Variants in ECPAS observed in about 807,000 individuals in gnomAD.
The protein encoded by ECPAS is Ecm29 proteasome adaptor and scaffold.
ECPAS carries 70 observed loss-of-function variants against 255.1 expected under a neutral mutation model. The observed-to-expected ratio is 0.27, with a 90% CI of 0.23 to 0.33. ECPAS has a LOEUF of 0.33. Ranked by LOEUF, ECPAS falls within the 10% of genes least tolerant of loss-of-function variation. The pLI is 1.00. For synonymous variants in ECPAS, 784 were observed against 775.0 expected, an observed-to-expected ratio of 1.01 and a Z score of -0.19; for missense variants, 1,817 against 2,206.4, an observed-to-expected ratio of 0.82 and a Z score of 3.54.
chr9:111,376,233 C>T (rs907548108), intron 37 of ECPAS, among the ~76,000 whole-genome samples: 1 of 152,222 alleles, frequency 6.6e-6, no homozygotes, highest in Admixed American at 6.5e-5. Flanking sequence ...ATAGAGAGCT[C>T]TTGATATGTT....
chr9:111,374,206 AT>A (rs895943565), intron 38 of ECPAS, among the ~76,000 whole-genome samples, 168 bp from the exon 39 acceptor site: 2 of 152,132 alleles, frequency 1.3e-5, no homozygotes, highest in Admixed American at 1.3e-4. Context: ...TAATGCAGCG[AT>A]TTTTTTTAAA....
chr9:111,429,275 A>G (rs975513872), intron 9 of ECPAS, among the ~76,000 whole-genome samples: 1 of 151,638 alleles, frequency 6.6e-6, no homozygotes, highest in African/African-American at 2.4e-5. Context: ...TTTTTTTTAA[A>G]TGAGTACATA....
intron 2 of ECPAS, among the ~76,000 whole-genome samples, chr9:111,468,932 T>C (rs886825096): frequency 2.6e-5 from 4 of 152,310 alleles, no homozygotes; most frequent in Admixed American, 2.0e-4. Flanking sequence ...TAGTATTTTC[T>C]GGTAGATCAA....
chr9:111,383,236 T>C lies in ECPAS; in HGVS notation c.3778A>G (p.Thr1260Ala). 2 of 1,613,632 alleles carry C rather than the reference T, an allele frequency of 1.2e-6. No individual in the cohort carries two copies. Among genetic ancestry groups the C allele is most frequent in the Non-Finnish European group, 1.7e-6 (2 of 1,179,642 alleles). ...PCLLDKGMMS[T>A]VTEVRALSIN... ...CTGAGGGCTCGAACTTCCGTCACGG[T>C]GCTCATCATTCCTTTGTCCAGAAGG... The change falls in exon 35 of 50, where the codon ACC becomes GCC. Residue 1260 changes from threonine to alanine, a missense_variant. Thr to Ala is a moderately conservative substitution (Grantham distance 58). Coordinates refer to ENST00000684092, the MANE Select transcript of ECPAS (RefSeq NM_001364929.1).
At chr9:111,430,486 C>T (rs545445763) in intron 9 of ECPAS, 61 bp downstream of exon 9, 7 of 951,498 alleles carry the variant, frequency 7.4e-6, no homozygotes, top group Non-Finnish European at 1.2e-5. Context: ...TGTATAAATA[C>T]GCAGTTCATG....
At chr9:111,378,807 T>G in intron 35 of ECPAS, 77 bp from the exon 36 acceptor site, 1 of 1,392,518 alleles carries the variant, frequency 7.2e-7, no homozygotes, top group African/African-American at 1.4e-5. Flanking sequence ...CATGAGGATG[T>G]TCTGCAGTTC....
At chr9:111,436,419 T>TA (rs1209935609) in intron 7 of ECPAS, among the ~76,000 whole-genome samples, 1 of 152,176 alleles carries the variant, frequency 6.6e-6, no homozygotes, top group Non-Finnish European at 1.5e-5. Context: ...AAATCCAGAA[T>TA]AAAATCCTTA....
chr9:111,427,666 A>G (rs1448542610), intron 10 of ECPAS, among the ~76,000 whole-genome samples: 1 of 152,210 alleles, frequency 6.6e-6, no homozygotes, highest in East Asian at 1.9e-4. Flanking sequence ...CCTTATGCAC[A>G]TAGCCTGAAG....
intron 1 of ECPAS, among the ~76,000 whole-genome samples, chr9:111,481,937 G>A (rs2098306070): frequency 6.6e-6 from 1 of 152,192 alleles, no homozygotes; most frequent in South Asian, 2.1e-4. Context: ...GCCAGGGGCC[G>A]AAGGGAGGAG....
chr9:111,377,648 G>A (rs1295726349), intron 36 of ECPAS, among the ~76,000 whole-genome samples: 1 of 152,172 alleles, frequency 6.6e-6, no homozygotes, highest in Admixed American at 6.5e-5. Flanking sequence ...TTCACGGTCT[G>A]ATACTATTTT....
Position 111,421,890 on chromosome 9 carries a change from T to C in ECPAS, c.1455+31A>G, listed in dbSNP as rs186303161. 4.2e-3 allele frequency: 6,770 copies of C among 1,604,008 alleles called. 29 individuals are homozygous for C. Among genetic ancestry groups the C allele is most frequent in the Middle Eastern group, 0.013 (70 of 5,456 alleles). On this transcript the variant is annotated intron_variant, in intron 15 of 49. Transcript: ENST00000684092. ...GTTCTTAAAAATGTAAACCGTATACTACCCAGGCTTTGTAGTTCACACGGA... is the reference window on the plus strand; with the variant it reads ...GTTCTTAAAAATGTAAACCGTATACCACCCAGGCTTTGTAGTTCACACGGA...
chr9:111,484,205 C>T lies in ECPAS; in HGVS notation c.-172G>A. The T allele has an allele frequency of 2.0e-6, 3 of 1,474,550 alleles. No homozygotes were observed. Among genetic ancestry groups the T allele is most frequent in the African/African-American group, 1.5e-5 (1 of 67,500 alleles). 91.3% of individuals were successfully genotyped at this position (1,474,550 alleles called of 1,614,324 possible). On this transcript the variant is annotated 5_prime_UTR_variant, in exon 1 of 50. Transcript: ENST00000684092. ...AGCGAGGCGTTCGGCGGGCCGGGCC[C>T]CGGGGAGCCGCGCGCCGCAGTCCGT... is the stretch of plus-strand genomic sequence containing the variant.
intron 34 of ECPAS, among the ~76,000 whole-genome samples, chr9:111,383,883 C>T (rs1489357513): frequency 1.3e-5 from 2 of 152,044 alleles, no homozygotes; most frequent in Non-Finnish European, 2.9e-5. Flanking sequence ...GATCACGCCA[C>T]TGCATTCCAG....
At chr9:111,408,384 A>G (rs913693853) in intron 24 of ECPAS, among the ~76,000 whole-genome samples, 187 bp downstream of exon 24, 4 of 152,184 alleles carry the variant, frequency 2.6e-5, no homozygotes, top group Non-Finnish European at 5.9e-5. Context: ...TCTTTCCCTC[A>G]TAGGTGATTT....
At chr9:111,419,630 CAT>C (rs1564532343) in intron 16 of ECPAS, among the ~76,000 whole-genome samples, 1 of 151,528 alleles carries the variant, frequency 6.6e-6, no homozygotes, top group African/African-American at 2.4e-5. Flanking sequence ...AATATTAATA[CAT>C]ATGTCAAACC....
intron 6 of ECPAS, among the ~76,000 whole-genome samples, chr9:111,439,516 G>A (rs558229598): frequency 5.9e-5 from 9 of 152,074 alleles, no homozygotes; most frequent in South Asian, 4.2e-4. Context: ...GGATCTGTTC[G>A]GCCCCCCCTT....
At chr9:111,415,364 G>A (rs1350208998) in intron 18 of ECPAS, among the ~76,000 whole-genome samples, 2 of 151,768 alleles carry the variant, frequency 1.3e-5, no homozygotes, top group African/African-American at 2.4e-5. Context: ...TGAGAAAATG[G>A]GTTCAATTCA....
At chr9:111,481,875 C>T (rs895065519) in intron 1 of ECPAS, among the ~76,000 whole-genome samples, 1 of 152,116 alleles carries the variant, frequency 6.6e-6, no homozygotes, top group African/African-American at 2.4e-5. Flanking sequence ...TCCATTCACA[C>T]GAGGTAGGAA....
At chr9:111,480,440 G>A (rs1353959174) in intron 1 of ECPAS, among the ~76,000 whole-genome samples, 1 of 151,702 alleles carries the variant, frequency 6.6e-6, no homozygotes, top group Non-Finnish European at 1.5e-5. Flanking sequence ...TGGGACTACA[G>A]GCACGTGCCG....
Sources: gnomAD v4.1 joint callset for allele counts (sites outside exome capture counted in the v4.1 genomes callset) on GRCh38, gnomAD v4.1.1 for gene constraint, MANE v1.5 for transcripts, NCBI Gene and HGNC (gene_info 2026-07-23, HGNC 2026-07-21) for gene names.